Variants in RAB30 observed in about 807,000 individuals in gnomAD.
The protein encoded by RAB30 is ras-related protein Rab-30.
RAB30 carries 9 observed loss-of-function variants against 25.1 expected under a neutral mutation model. The ratio of observed to expected loss-of-function variants is 0.36; its 90% CI spans 0.22 to 0.63. The LOEUF is 0.63. Ranked by LOEUF, RAB30 falls within the 20% of genes least tolerant of loss-of-function variation. The probability of loss-of-function intolerance (pLI) is 0.69; values close to 1 mark genes in which losing one functional copy is unlikely to be tolerated. For synonymous variants in RAB30, 77 were observed against 86.4 expected (o/e 0.89, Z 0.60); for missense variants, 140 against 243.5 (o/e 0.58, Z 2.83).
intron 2 of RAB30, among the ~76,000 whole-genome samples, chr11:82,994,622 CA>C (rs1232935350): frequency 1.3e-5 from 2 of 152,122 alleles, no homozygotes; most frequent in African/African-American, 4.8e-5. Context: ...TATGAAAAAA[CA>C]AATAAGAACT....
intron 1 of RAB30, among the ~76,000 whole-genome samples, chr11:83,068,584 C>G (rs1858761134): frequency 6.6e-6 from 1 of 152,198 alleles, no homozygotes; most frequent in African/African-American, 2.4e-5. Flanking sequence ...ACTGCCTACT[C>G]TCTAGCCTCT....
At chr11:82,989,624 C>T (rs909071246) in intron 3 of RAB30, among the ~76,000 whole-genome samples, 2 of 152,164 alleles carry the variant, frequency 1.3e-5, no homozygotes, top group African/African-American at 4.8e-5. Flanking sequence ...CTTGTGATTG[C>T]GATTTAGGAA....
At chr11:82,994,145 G>T in intron 2 of RAB30, 23 bp from the exon 3 acceptor site, 5 of 1,552,842 alleles carry the variant, frequency 3.2e-6, no homozygotes, top group Non-Finnish European at 4.4e-6. Context: ...TAATAGAAAA[G>T]AACAGCTAAG....
chr11:82,990,809 A>T (rs1011908154), intron 3 of RAB30, among the ~76,000 whole-genome samples: 1 of 152,134 alleles, frequency 6.6e-6, no homozygotes, highest in African/African-American at 2.4e-5. Context: ...TATCATTTTA[A>T]CCACTTTTAA....
rs1193532867 is a variant in RAB30, at chr11:83,002,524, G to A, written c.-8-5200C>T. Among the ~76,000 whole-genome samples, 3 of 150,830 alleles carry A rather than the reference G, an allele frequency of 2.0e-5. No individual in the cohort carries two copies. The South Asian group carries it at 6.3e-4, about 32-fold the overall frequency. ...TCAAACTGGAAAAATAGATAAGCAA[G>A]ATGAAAAAATGAATTTTAAAAAGAT... On this transcript the variant is annotated intron_variant, in intron 1 of 4. Transcript: ENST00000527633.
At chr11:83,033,055 CTTTTTTT>C (rs71463144) in intron 1 of RAB30, among the ~76,000 whole-genome samples, 128 of 77,838 alleles carry the variant, frequency 1.6e-3, no homozygotes, top group Non-Finnish European at 2.6e-3. Flanking sequence ...GCCTCAAATT[CTTTTTTT>C]TTTTTTTTTT....
intron 1 of RAB30, among the ~76,000 whole-genome samples, chr11:83,052,571 G>A (rs1034266611): frequency 1.3e-5 from 2 of 152,238 alleles, no homozygotes; most frequent in African/African-American, 2.4e-5. Flanking sequence ...TGTCTGGCCT[G>A]CCTCCAAAGC....
chr11:83,067,052 G>T (rs1432662946), intron 1 of RAB30, among the ~76,000 whole-genome samples: 1 of 152,068 alleles, frequency 6.6e-6, no homozygotes. Context: ...ACACAGTCTG[G>T]AGCGCTTTTG....
At chr11:82,997,389 G>A in intron 1 of RAB30, 65 bp from the exon 2 acceptor site, 2 of 1,147,932 alleles carry the variant, frequency 1.7e-6, no homozygotes. Context: ...AGCTCAAGCT[G>A]CACCAGCCTT....
Position 82,973,216 on chromosome 11 carries a change from T to C in RAB30, c.*8949A>G, listed in dbSNP as rs561909021. 6.6e-6 allele frequency: 1 copy of C among 152,288 alleles called. No individual in the cohort carries two copies. The highest frequency in any genetic ancestry group is 1.5e-5 in the Non-Finnish European group (1 of 67,992). The allele number at this position is 152,288 out of a possible 1,614,324, so 9.4% of individuals were successfully genotyped here. A position where few individuals can be genotyped will look rare whatever the true frequency, so the allele number is the denominator to read the frequency against. ...AGTTTTTTTAAAAAATTGTTACAAA[T>C]AAAAAGTTTTTAATACATTCATCCT... On this transcript the variant is annotated 3_prime_UTR_variant, in exon 5 of 5. Transcript: ENST00000527633.
rs772299615 is a variant in RAB30, at chr11:82,973,676, G to A, written c.*8489C>T. The stretch of plus-strand genomic sequence containing the variant: ...CTAATTGATCAATTAAACTAAGATC[G>A]TAAGTTGCACTCTCCAAACAGGATT... On this transcript the variant is annotated 3_prime_UTR_variant, in exon 5 of 5. Coordinates refer to ENST00000527633, the MANE Select transcript of RAB30 (RefSeq NM_001286060.2). 26 of 152,262 alleles carry A rather than the reference G, an allele frequency of 1.7e-4. 1 individual carries two copies. Among genetic ancestry groups the A allele is most frequent in the South Asian group, 1.4e-3 (7 of 4,830 alleles). 9.4% of individuals were successfully genotyped at this position (152,262 alleles called of 1,614,324 possible).
intron 1 of RAB30, among the ~76,000 whole-genome samples, chr11:83,032,490 A>C: frequency 6.6e-6 from 1 of 152,162 alleles, no homozygotes; most frequent in African/African-American, 2.4e-5. Flanking sequence ...TGGCAAATTC[A>C]CAATTTTCTT....
At chr11:83,028,356 A>G (rs1857774067) in intron 1 of RAB30, among the ~76,000 whole-genome samples, 1 of 152,184 alleles carries the variant, frequency 6.6e-6, no homozygotes, top group Non-Finnish European at 1.5e-5. Context: ...CCAGTACAGG[A>G]GGGGTCCTAT....
chr11:83,022,422 G>C (rs533746534), intron 1 of RAB30, among the ~76,000 whole-genome samples: 37 of 152,116 alleles, frequency 2.4e-4, no homozygotes, highest in African/African-American at 8.9e-4. Context: ...GCTTCCCAAA[G>C]TGTTGGTATT....
intron 1 of RAB30, among the ~76,000 whole-genome samples, chr11:83,050,171 A>G (rs1858325472): frequency 6.6e-6 from 1 of 151,952 alleles, no homozygotes; most frequent in South Asian, 2.1e-4. Flanking sequence ...GCTGAGGACT[A>G]CTTGAGCCTG....
chr11:83,054,221 C>A (rs982231109), intron 1 of RAB30, among the ~76,000 whole-genome samples: 8 of 152,204 alleles, frequency 5.3e-5, no homozygotes, highest in Non-Finnish European at 1.0e-4. Flanking sequence ...GGGTCAGGTG[C>A]CCCTCCTCTA....
intron 1 of RAB30, among the ~76,000 whole-genome samples, chr11:83,020,077 AG>A (rs1857533695): frequency 6.6e-6 from 1 of 152,188 alleles, no homozygotes; most frequent in African/African-American, 2.4e-5. Context: ...CTGGGGAGGG[AG>A]CTACCCAGGT....
At position 82,974,832 on chromosome 11, in the gene RAB30, A is replaced by C. The variant is rs1856514377; in HGVS notation, c.*7333T>G. On this transcript the variant is annotated 3_prime_UTR_variant, in exon 5 of 5. Coordinates refer to ENST00000527633, the MANE Select transcript of RAB30 (RefSeq NM_001286060.2). ...TTATTTCATCTCTATACTAAAAGTC[A>C]TGCATTAAAAGTGTGTACAAGATAT... The C allele has an allele frequency of 6.6e-6, 1 of 152,014 alleles. No homozygotes were observed. The highest frequency in any genetic ancestry group is 1.5e-5 in the Non-Finnish European group (1 of 67,976). 9.4% of individuals were successfully genotyped at this position (152,014 alleles called of 1,614,324 possible).
chr11:83,019,295 G>C (rs746580277), intron 1 of RAB30, among the ~76,000 whole-genome samples: 1 of 152,118 alleles, frequency 6.6e-6, no homozygotes, highest in Non-Finnish European at 1.5e-5. Context: ...CAAAGTGCTG[G>C]GATTACAGGC....
Sources: gnomAD v4.1 joint callset for allele counts (sites outside exome capture counted in the v4.1 genomes callset) on GRCh38, gnomAD v4.1.1 for gene constraint, MANE v1.5 for transcripts, NCBI Gene and HGNC (gene_info 2026-07-23, HGNC 2026-07-21) for gene names.